TPO: variants seen among roughly 807,000 people sequenced by gnomAD.
TPO encodes the protein thyroid peroxidase.
In TPO, 78 loss-of-function variants were observed where a neutral mutation model predicts 96.9. The ratio of observed to expected loss-of-function variants is 0.81; its 90% confidence interval spans 0.67 to 0.97. The LOEUF (loss-of-function observed/expected upper bound fraction) is 0.97. Ranked by LOEUF, TPO falls within the 50% of genes least tolerant of loss-of-function variation. The probability of loss-of-function intolerance (pLI) is 0.00; values close to 1 mark genes in which losing one functional copy is unlikely to be tolerated. For missense variants in TPO, 1,252 were observed against 1,274.8 expected, an observed-to-expected ratio of 0.98 and a Z score of 0.27; for synonymous variants, 547 against 538.0, an observed-to-expected ratio of 1.02 and a Z score of -0.23.
chr2:1,428,843 GCA>G (rs1664693901), intron 3 of TPO, among the ~76,000 whole-genome samples: 1 of 152,116 alleles, frequency 6.6e-6, no homozygotes, highest in South Asian at 2.1e-4. Context: ...TGGGGAACCT[GCA>G]CAGGTGCTTA....
At chr2:1,440,941 T>G (rs902497785) in intron 5 of TPO, among the ~76,000 whole-genome samples, 1 of 151,568 alleles carries the variant, frequency 6.6e-6, no homozygotes, top group Non-Finnish European at 1.5e-5. Flanking sequence ...CTTGTTTGTA[T>G]GATCTAGTCA....
intron 3 of TPO, among the ~76,000 whole-genome samples, chr2:1,425,335 A>C (rs2148456131): frequency 6.6e-6 from 1 of 152,376 alleles, no homozygotes; most frequent in South Asian, 2.1e-4. Context: ...TATTCTCAGA[A>C]GTCCATGCCC....
intron 1 of TPO, among the ~76,000 whole-genome samples, chr2:1,387,763 T>G (rs1481399449): frequency 6.6e-6 from 1 of 152,256 alleles, no homozygotes; most frequent in African/African-American, 2.4e-5. Context: ...AGGAGCTGCG[T>G]TCCTTTGGAG....
intron 3 of TPO, among the ~76,000 whole-genome samples, chr2:1,425,521 C>T (rs1305282598): frequency 2.6e-5 from 4 of 151,990 alleles, no homozygotes; most frequent in Non-Finnish European, 5.9e-5. Flanking sequence ...AGTCATCGTT[C>T]TAGATGCCGG....
intron 15 of TPO, among the ~76,000 whole-genome samples, chr2:1,518,129 A>G (rs551114511): frequency 6.6e-6 from 1 of 152,264 alleles, no homozygotes; most frequent in South Asian, 2.1e-4. Context: ...GATACCACAT[A>G]TCTATGGATT....
chr2:1,539,775 G>A (rs1002427451), intron 15 of TPO, among the ~76,000 whole-genome samples: 3 of 151,550 alleles, frequency 2.0e-5, no homozygotes, highest in African/African-American at 4.8e-5. Context: ...CAGGCGGGGC[G>A]GGGAATGCTC....
upstream of TPO, among the ~76,000 whole-genome samples, chr2:1,410,909 A>G (rs753964565): frequency 1.3e-5 from 2 of 151,934 alleles, no homozygotes; most frequent in Non-Finnish European, 2.9e-5. Flanking sequence ...CTCCCCTGCA[A>G]TCTCTCTGCT....
intron 5 of TPO, among the ~76,000 whole-genome samples, chr2:1,438,049 G>A (rs781259665): frequency 1.1e-4 from 17 of 152,046 alleles, no homozygotes; most frequent in Non-Finnish European, 2.4e-4. Flanking sequence ...GGCCTGGGTG[G>A]AGGAGGGCAG....
At chr2:1,532,461 G>C in intron 15 of TPO, among the ~76,000 whole-genome samples, 1 of 123,916 alleles carries the variant, frequency 8.1e-6, no homozygotes, top group South Asian at 2.8e-4. Context: ...CCCGCACTGT[G>C]CAACCTCCTC....
chr2:1,437,324 G>C (rs531887022), intron 5 of TPO, among the ~76,000 whole-genome samples: 31 of 152,308 alleles, frequency 2.0e-4, no homozygotes, highest in African/African-American at 7.0e-4. Flanking sequence ...CAATAGTGTG[G>C]CGCCAGGATG....
chr2:1,394,768 A>T (rs1240418730), intron 1 of TPO, among the ~76,000 whole-genome samples: 1 of 152,146 alleles, frequency 6.6e-6, no homozygotes, highest in African/African-American at 2.4e-5. Flanking sequence ...TAATTTTTTG[A>T]GAAGGGGCCA....
At chr2:1,465,534 T>G (rs894697279) in intron 7 of TPO, among the ~76,000 whole-genome samples, 6 of 152,214 alleles carry the variant, frequency 3.9e-5, no homozygotes, top group African/African-American at 1.4e-4. Flanking sequence ...TCCATGTGCA[T>G]GGGTTGTGTC....
intron 15 of TPO, among the ~76,000 whole-genome samples, chr2:1,526,540 C>T (rs1186231194): frequency 6.8e-6 from 1 of 146,878 alleles, no homozygotes; most frequent in Non-Finnish European, 1.5e-5. Flanking sequence ...GCAACCTCCT[C>T]AAATCCTCTC....
At chr2:1,486,400 T>A (rs550886713) in intron 9 of TPO, among the ~76,000 whole-genome samples, 84 of 152,058 alleles carry the variant, frequency 5.5e-4, no homozygotes, top group South Asian at 5.0e-3. Context: ...TAGCCGTGTG[T>A]GGTGGCAGAT....
intron 1 of TPO, among the ~76,000 whole-genome samples, chr2:1,383,836 T>C (rs992513890): frequency 2.1e-4 from 32 of 152,168 alleles, no homozygotes; most frequent in Non-Finnish European, 4.6e-4. Context: ...GGTTTTCTTC[T>C]AGGTTTTCTT....
At chr2:1,383,215 A>G (rs1264381022) in intron 1 of TPO, among the ~76,000 whole-genome samples, 1 of 152,154 alleles carries the variant, frequency 6.6e-6, no homozygotes, top group Non-Finnish European at 1.5e-5. Context: ...TAGCAGCATG[A>G]TTTATATTCC....
intron 7 of TPO, among the ~76,000 whole-genome samples, chr2:1,458,305 G>A (rs1427369730): frequency 6.6e-6 from 1 of 151,708 alleles, no homozygotes; most frequent in African/African-American, 2.4e-5. Context: ...GTGGACACAT[G>A]TGTATATAGT....
At chr2:1,521,678 C>T (rs753140730) in intron 15 of TPO, among the ~76,000 whole-genome samples, 5 of 152,032 alleles carry the variant, frequency 3.3e-5, no homozygotes, top group Non-Finnish European at 5.9e-5. Context: ...GAGTGGCCAG[C>T]CTGGGCTACA....
intron 3 of TPO, among the ~76,000 whole-genome samples, chr2:1,433,200 T>C (rs1665202814): frequency 6.6e-6 from 1 of 152,174 alleles, no homozygotes; most frequent in African/African-American, 2.4e-5. Context: ...GGCAAGTCTG[T>C]GCCATTTTCC....
Sources: allele counts gnomAD v4.1 joint callset (sites outside exome capture counted in the v4.1 genomes callset), GRCh38; gene constraint gnomAD v4.1.1; transcripts MANE v1.5; gene names NCBI Gene and HGNC (gene_info 2026-07-23, HGNC 2026-07-21).